The following MCTP2 variants were observed in gnomAD, a reference collection of about 807,000 sequenced individuals.
MCTP2 encodes the protein multiple C2 and transmembrane domain-containing protein 2.
Under a neutral mutation model 111.6 loss-of-function variants are expected in MCTP2, and 132 were observed. That is an observed-to-expected ratio of 1.18 (90% CI 1.03 to 1.37). MCTP2 has a LOEUF of 1.37. Ranked by LOEUF, MCTP2 falls within the 40% of genes most tolerant of loss-of-function variation. MCTP2 has a pLI of 0.00. For synonymous variants in MCTP2, 395 were observed against 387.7 expected, an observed-to-expected ratio of 1.02 and a Z score of -0.22; for missense variants, 1,183 against 1,067.9, an observed-to-expected ratio of 1.11 and a Z score of -1.50.
intron 1 of MCTP2, among the ~76,000 whole-genome samples, chr15:94,256,342 G>T (rs1436297528): frequency 6.6e-6 from 1 of 152,100 alleles, no homozygotes; most frequent in Non-Finnish European, 1.5e-5. Flanking sequence ...ACAAAAATCT[G>T]AAATCAGAAA....
At chr15:94,238,896 G>A (rs1326216537) in intron 1 of MCTP2, among the ~76,000 whole-genome samples, 1 of 151,782 alleles carries the variant, frequency 6.6e-6, no homozygotes, top group African/African-American at 2.4e-5. Context: ...TTCATGAGAG[G>A]TCTGCTAACT....
intron 14 of MCTP2, among the ~76,000 whole-genome samples, chr15:94,392,802 C>T (rs892720193): frequency 8.6e-5 from 13 of 151,308 alleles, no homozygotes; most frequent in Middle Eastern, 6.8e-3. Flanking sequence ...GGTGACAGAG[C>T]GAGACTTCAT....
chr15:94,403,666 C>T (rs1245778733), intron 17 of MCTP2, among the ~76,000 whole-genome samples: 1 of 152,188 alleles, frequency 6.6e-6, no homozygotes, highest in African/African-American at 2.4e-5. Context: ...GAGGGGACTT[C>T]TAAACAGGAA....
At chr15:94,295,744 A>G (rs554456433) in intron 1 of MCTP2, among the ~76,000 whole-genome samples, 213 of 152,112 alleles carry the variant, frequency 1.4e-3, no homozygotes, top group Non-Finnish European at 2.5e-3. Flanking sequence ...TCTTCTGTCA[A>G]AAATTCTATC....
intron 2 of MCTP2, among the ~76,000 whole-genome samples, chr15:94,305,729 GA>G (rs2075848443): frequency 6.6e-6 from 1 of 152,148 alleles, no homozygotes; most frequent in African/African-American, 2.4e-5. Flanking sequence ...AAAGCCATAA[GA>G]AATTTAGTTG....
intron 2 of MCTP2, among the ~76,000 whole-genome samples, chr15:94,307,824 G>A (rs1286778728): frequency 1.3e-5 from 2 of 152,170 alleles, no homozygotes; most frequent in Non-Finnish European, 2.9e-5. Flanking sequence ...GCCAGTCTCT[G>A]ACTTTGTCCT....
chr15:94,243,852 T>G (rs557634596), intron 1 of MCTP2, among the ~76,000 whole-genome samples: 7 of 148,306 alleles, frequency 4.7e-5, no homozygotes, highest in African/African-American at 1.7e-4. Context: ...TACACATATA[T>G]GTATACACAT....
intron 17 of MCTP2, among the ~76,000 whole-genome samples, chr15:94,418,309 C>G (rs113788257): frequency 1.3e-5 from 2 of 152,216 alleles, no homozygotes; most frequent in African/African-American, 4.8e-5. Flanking sequence ...AGACACTTAT[C>G]GATACATTTA....
chr15:94,245,620 G>A (rs1216946560), intron 1 of MCTP2, among the ~76,000 whole-genome samples: 3 of 141,680 alleles, frequency 2.1e-5, no homozygotes, highest in Non-Finnish European at 4.6e-5. Flanking sequence ...ATATGTACAT[G>A]TATATATACA....
chr15:94,470,533 C>G lies in MCTP2; in HGVS notation c.2470+91C>G, dbSNP rs1426011555. The G allele has an allele frequency of 3.1e-6, 3 of 961,614 alleles. No homozygotes were observed. The African/African-American group carries it at 4.8e-5, about 15-fold the overall frequency. The allele number at this position is 961,614 out of a possible 1,614,324, so 59.6% of individuals were successfully genotyped here. A position where few individuals can be genotyped will look rare whatever the true frequency, so the allele number is the denominator to read the frequency against. On this transcript the variant is annotated intron_variant, in intron 21 of 22. Coordinates refer to ENST00000357742, the MANE Select transcript of MCTP2 (RefSeq NM_001385001.1). ...AGTGCGACTATTAATTTTAAATGTG[C>G]TCTTGTTGGCAATTAAACATGAGAT...
Position 94,479,190 on chromosome 15 carries a change from C to T in MCTP2, c.*156C>T. ...CTCCTCCTTCACGTGCACAGACATA[C>T]ACACATGTGCACACACCCTCATGCA... On this transcript the variant is annotated 3_prime_UTR_variant, in exon 23 of 23. Transcript: ENST00000357742. 3 of 681,046 alleles carry T rather than the reference C, an allele frequency of 4.4e-6. No homozygotes were observed. Among genetic ancestry groups the T allele is most frequent in the African/African-American group, 1.8e-5 (1 of 56,768 alleles). The allele number at this position is 681,046 out of a possible 1,614,324, so 42.2% of individuals were successfully genotyped here. A position where few individuals can be genotyped will look rare whatever the true frequency, so the allele number is the denominator to read the frequency against.
chr15:94,252,160 G>A (rs2072476549), intron 1 of MCTP2, among the ~76,000 whole-genome samples: 1 of 152,184 alleles, frequency 6.6e-6, no homozygotes, highest in African/African-American at 2.4e-5. Context: ...ATTATGTGAT[G>A]ATTCTATGGT....
chr15:94,309,474 A>G (rs2076032444), intron 2 of MCTP2, among the ~76,000 whole-genome samples: 1 of 152,174 alleles, frequency 6.6e-6, no homozygotes, highest in Admixed American at 6.5e-5. Context: ...TGAAATGTAA[A>G]CAAACAGTGA....
intron 1 of MCTP2, among the ~76,000 whole-genome samples, chr15:94,238,873 A>G (rs1010611844): frequency 2.6e-5 from 4 of 152,208 alleles, no homozygotes; most frequent in Non-Finnish European, 5.9e-5. Flanking sequence ...CAAGTTATTA[A>G]TAAGTGGGAA....
intron 19 of MCTP2, among the ~76,000 whole-genome samples, 158 bp from the exon 20 acceptor site, chr15:94,457,979 T>TG (rs1555479412): frequency 4.6e-4 from 70 of 151,906 alleles, no homozygotes; most frequent in Middle Eastern, 3.4e-3. Context: ...CAGATTTTTC[T>TG]GGGGGGGGAG....
chr15:94,440,124 T>C, intron 17 of MCTP2, 52 bp from the exon 18 acceptor site: 2 of 1,597,262 alleles, frequency 1.3e-6, no homozygotes, highest in Non-Finnish European at 1.7e-6. Flanking sequence ...ATTTGATTGC[T>C]CCCCTAGTGT....
At chr15:94,253,375 C>T (rs773716560) in intron 1 of MCTP2, among the ~76,000 whole-genome samples, 2 of 152,130 alleles carry the variant, frequency 1.3e-5, no homozygotes, top group African/African-American at 4.8e-5. Flanking sequence ...ACCATATTAC[C>T]TCTGGCCTAT....
chr15:94,299,504 TAAC>T (rs2075496998), intron 2 of MCTP2, among the ~76,000 whole-genome samples: 1 of 152,212 alleles, frequency 6.6e-6, no homozygotes, highest in Admixed American at 6.5e-5. Flanking sequence ...TTTAAAAAGT[TAAC>T]AAAACTTTAG....
At chr15:94,234,363 C>G (rs2070396596) in intron 1 of MCTP2, among the ~76,000 whole-genome samples, 1 of 152,210 alleles carries the variant, frequency 6.6e-6, no homozygotes, top group African/African-American at 2.4e-5. Flanking sequence ...CTGCCTGTTT[C>G]TGTGGAGATC....
Sources: gnomAD v4.1 joint callset for allele counts (sites outside exome capture counted in the v4.1 genomes callset) on GRCh38, gnomAD v4.1.1 for gene constraint, MANE v1.5 for transcripts, NCBI Gene and HGNC (gene_info 2026-07-23, HGNC 2026-07-21) for gene names.